The following IER3IP1 variants were observed in gnomAD, a reference collection of about 807,000 sequenced individuals.
IER3IP1 encodes immediate early response 3 interacting protein 1, also known as immediate early response 3-interacting protein 1.
In IER3IP1, 16 loss-of-function variants were observed where a neutral mutation model predicts 12.2. The observed-to-expected ratio is 1.31, with a 90% confidence interval of 0.89 to 1.99. IER3IP1 has a LOEUF of 1.99. Ranked by LOEUF, IER3IP1 falls within the 30% of genes most tolerant of loss-of-function variation. IER3IP1 has a pLI of 0.00. For synonymous variants in IER3IP1, 42 were observed against 40.0 expected, an observed-to-expected ratio of 1.05 and a Z score of -0.19; for missense variants, 95 against 95.8, an observed-to-expected ratio of 0.99 and a Z score of 0.03.
chr18:47,175,256 G>GT (rs1240953036), intron 1 of IER3IP1, among the ~76,000 whole-genome samples: 1 of 152,112 alleles, frequency 6.6e-6, no homozygotes, highest in East Asian at 1.9e-4. Flanking sequence ...TTCTAGCAGA[G>GT]TTTTTGGCAC....
rs140186536 is a variant in IER3IP1 at position 47,166,164 on chromosome 18, A to G, written c.92-8627T>C. On this transcript the variant is annotated intron_variant, in intron 1 of 2. Coordinates refer to ENST00000256433, the MANE Select transcript of IER3IP1 (RefSeq NM_016097.5). ...ATTGTGGAAAACTGGAAGAAACCACATATTCCCTGTATCACTGTCAAAATA... is the reference window on the plus strand; with the variant it reads ...ATTGTGGAAAACTGGAAGAAACCACGTATTCCCTGTATCACTGTCAAAATA... 3.7e-3 allele frequency among the ~76,000 whole-genome samples: 557 copies of G among 152,350 alleles called. 5 individuals are homozygous for G. Among genetic ancestry groups the G allele is most frequent in the African/African-American group, 0.013 (535 of 41,576 alleles).
intron 1 of IER3IP1, among the ~76,000 whole-genome samples, chr18:47,162,608 A>G (rs1410856308): frequency 9.9e-5 from 15 of 152,194 alleles, no homozygotes; most frequent in Admixed American, 9.8e-4. Flanking sequence ...AATTAAGAAC[A>G]CCTACCAAAC....
chr18:47,167,974 A>G (rs2064001397), intron 1 of IER3IP1, among the ~76,000 whole-genome samples: 1 of 151,718 alleles, frequency 6.6e-6, no homozygotes, highest in African/African-American at 2.4e-5. Context: ...AAATACAAAA[A>G]TGAGCCAGGC....
At position 47,155,591 on chromosome 18, in the gene IER3IP1, A is replaced by C. The variant is rs940166722; in HGVS notation, c.*586T>G. The C allele has an allele frequency of 1.3e-5, 2 of 152,264 alleles. No individual in the cohort carries two copies. The highest frequency in any genetic ancestry group is 2.9e-5 in the Non-Finnish European group (2 of 68,076). 9.4% of individuals were successfully genotyped at this position (152,264 alleles called of 1,614,324 possible). A position where few individuals can be genotyped will look rare whatever the true frequency, so the allele number is the denominator to read the frequency against. ...CAAAAACATAATCATCATGTGACTG[A>C]CAGAATTCTCCCTGAAATCAGAGAA... On this transcript the variant is annotated 3_prime_UTR_variant, in exon 3 of 3. Transcript: ENST00000256433.
In IER3IP1 at chr18:47,176,320, G is replaced by T; in HGVS notation, c.-43C>A. ...CCGAAGTCCAAGCGATTTCTCTCCC[G>T]CCGCCGCAAGGGACGTGGCGCCTCC... On this transcript the variant is annotated 5_prime_UTR_variant, in exon 1 of 3. Transcript: ENST00000256433. The T allele has an allele frequency of 6.6e-7, 1 of 1,521,156 alleles. No homozygotes were observed. Among genetic ancestry groups the T allele is most frequent in the Non-Finnish European group, 9.0e-7 (1 of 1,114,834 alleles). 94.2% of individuals were successfully genotyped at this position (1,521,156 alleles called of 1,614,324 possible).
chr18:47,157,602 T>C (rs1445507675), intron 1 of IER3IP1, 65 bp from the exon 2 acceptor site: 17 of 1,395,222 alleles, frequency 1.2e-5, no homozygotes, highest in Non-Finnish European at 1.7e-5. Flanking sequence ...CCTGTCATCT[T>C]CTAAAAGATT....
intron 1 of IER3IP1, among the ~76,000 whole-genome samples, chr18:47,170,368 G>A: frequency 6.6e-6 from 1 of 151,984 alleles, no homozygotes; most frequent in East Asian, 1.9e-4. Flanking sequence ...TCTCTTTCAA[G>A]ATTGTCTTGA....
rs566078666 is a variant in IER3IP1 at position 47,176,274 on chromosome 18, C to A, written c.4G>T (p.Ala2Ser). The change falls in exon 1 of 3, where the codon GCC (alanine) becomes TCC (serine). Residue 2 changes from alanine to serine, a missense_variant. Physicochemically the swap from Ala to Ser is moderately conservative, Grantham distance 99. Coordinates refer to ENST00000256433, the MANE Select transcript of IER3IP1 (RefSeq NM_016097.5). ...TGCAGCAGTGAGTACAGGGTAAAGG[C>A]CATGGCCGTCCGAGGCCGCCCCGAA... Reference protein sequence around the residue: MAFTLYSLLQAA... With the variant: MSFTLYSLLQAA... 4 of 1,606,716 alleles carry A rather than the reference C, an allele frequency of 2.5e-6. No individual in the cohort carries two copies. Among genetic ancestry groups the A allele is most frequent in the Non-Finnish European group, 3.4e-6 (4 of 1,176,862 alleles).
rs1214461291 is a variant in IER3IP1, at chr18:47,153,275, A to T, written c.*2902T>A. 1 of 152,204 alleles carries T rather than the reference A, an allele frequency of 6.6e-6. No homozygotes were observed. Among genetic ancestry groups the T allele is most frequent in the East Asian group, 1.9e-4 (1 of 5,204 alleles). 9.4% of individuals were successfully genotyped at this position (152,204 alleles called of 1,614,324 possible). On this transcript the variant is annotated 3_prime_UTR_variant, in exon 3 of 3. Transcript: ENST00000256433. ...CAAGTGGTTTCTGGTTACATGGATG[A>T]ATTGTATAGTGGTGTAAAGTCTGAA...
chr18:47,165,033 A>G (rs2063991741), intron 1 of IER3IP1, among the ~76,000 whole-genome samples: 1 of 152,216 alleles, frequency 6.6e-6, no homozygotes, highest in Non-Finnish European at 1.5e-5. Flanking sequence ...CTCGACACAC[A>G]TATTTTGAAG....
At chr18:47,164,571 T>C (rs762467125) in intron 1 of IER3IP1, among the ~76,000 whole-genome samples, 27 of 151,270 alleles carry the variant, frequency 1.8e-4, no homozygotes, top group Non-Finnish European at 3.5e-4. Flanking sequence ...CTTTGGGAAG[T>C]TGAGGTGGGA....
rs752304288 is a variant in IER3IP1, at chr18:47,176,231, A to G, written c.47T>C (p.Val16Ala). 2 of 1,609,102 alleles carry G rather than the reference A, an allele frequency of 1.2e-6. No individual in the cohort carries two copies. The highest frequency in any genetic ancestry group is 1.7e-6 in the Non-Finnish European group (2 of 1,178,114). Reference protein sequence around the residue: ...YSLLQAALLCVNAIAVLHEER... With the variant: ...YSLLQAALLCANAIAVLHEER... ...CTCGTGCAGCACTGCGATGGCGTTG[A>G]CGCAGAGCAGGGCTGCCTGCAGCAG... Residue 16 changes from valine to alanine, a missense_variant, in exon 1 of 3, where the codon GTC becomes GCC. Physicochemically the swap from Val to Ala is moderately conservative, Grantham distance 64. Transcript: ENST00000256433.
At chr18:47,157,673 C>T in intron 1 of IER3IP1, 136 bp from the exon 2 acceptor site, 2 of 755,262 alleles carry the variant, frequency 2.6e-6, no homozygotes, top group East Asian at 5.3e-5. Flanking sequence ...AAAGTTAAAA[C>T]AATAATGAGT....
At chr18:47,156,759 C>T (rs867758263) in intron 2 of IER3IP1, 37 of 150,340 alleles carry the variant, frequency 2.5e-4, no homozygotes, top group African/African-American at 8.8e-4. Context: ...ATGACAGATA[C>T]GAAATCTCTA....
chr18:47,157,315 C>T (rs1420641730), intron 2 of IER3IP1, 121 bp downstream of exon 2: 1 of 762,638 alleles, frequency 1.3e-6, no homozygotes, highest in African/African-American at 1.8e-5. Flanking sequence ...GCAGCAAAGC[C>T]ATGTTAAAGA....
chr18:47,159,304 A>T (rs1161638838), intron 1 of IER3IP1, among the ~76,000 whole-genome samples: 2 of 152,244 alleles, frequency 1.3e-5, no homozygotes, highest in African/African-American at 4.8e-5. Context: ...TGCATATGCA[A>T]TTGACCAAAG....
intron 1 of IER3IP1, among the ~76,000 whole-genome samples, chr18:47,158,097 A>C (rs2063967337): frequency 6.6e-6 from 1 of 152,216 alleles, no homozygotes; most frequent in South Asian, 2.1e-4. Flanking sequence ...GAAAATCCAA[A>C]AGATCAAAAT....
chr18:47,176,334 C>G lies in IER3IP1; in HGVS notation c.-57G>C, dbSNP rs1364644419. On this transcript the variant is annotated 5_prime_UTR_variant, in exon 1 of 3. Coordinates refer to ENST00000256433, the MANE Select transcript of IER3IP1 (RefSeq NM_016097.5). ...ATTTCTCTCCCGCCGCCGCAAGGGA[C>G]GTGGCGCCTCCACGGCCGGCGCCTT... The G allele has an allele frequency of 2.0e-6, 3 of 1,473,358 alleles. No homozygotes were observed. The highest frequency in any genetic ancestry group is 2.4e-5 in the South Asian group (2 of 83,394). The allele number at this position is 1,473,358 out of a possible 1,614,324, so 91.3% of individuals were successfully genotyped here. A position where few individuals can be genotyped will look rare whatever the true frequency, so the allele number is the denominator to read the frequency against.
At chr18:47,159,629 G>C (rs1410774450) in intron 1 of IER3IP1, among the ~76,000 whole-genome samples, 1 of 152,110 alleles carries the variant, frequency 6.6e-6, no homozygotes, top group Non-Finnish European at 1.5e-5. Flanking sequence ...AGAAAAAGAA[G>C]AAAGCTGAAA....
Sources: allele counts gnomAD v4.1 joint callset (sites outside exome capture counted in the v4.1 genomes callset), GRCh38; gene constraint gnomAD v4.1.1; transcripts MANE v1.5; gene names NCBI Gene and HGNC (gene_info 2026-07-23, HGNC 2026-07-21).